Variants in IDUA observed in about 807,000 individuals in gnomAD.
The protein encoded by IDUA is alpha-L-iduronidase, also known as iduronidase alpha-L-.
In IDUA, 65 loss-of-function variants were observed where a neutral mutation model predicts 68.9. The observed-to-expected ratio is 0.94, with a 90% confidence interval of 0.77 to 1.16. IDUA has a LOEUF of 1.16. Among genes scored for constraint, IDUA ranks in the 50% most tolerant of loss-of-function variants. The pLI, the probability that IDUA is intolerant of heterozygous loss-of-function variation, is 0.00. For missense variants in IDUA, 1,046 were observed against 938.0 expected (o/e 1.12, Z -1.50); for synonymous variants, 529 against 433.6 (o/e 1.22, Z -2.73).
intron 2 of IDUA, chr4:988,980 CA>C: frequency 6.3e-7 from 1 of 1,595,162 alleles, no homozygotes; most frequent in Non-Finnish European, 8.5e-7. Context: ...GAATGTCTCT[CA>C]CAGGCGGGCT....
In IDUA at chr4:1,003,523, G is replaced by A. The variant is rs767606187; in HGVS notation, c.1651-26G>A. The A allele has an allele frequency of 3.1e-6, 5 of 1,607,918 alleles. No individual in the cohort carries two copies. The South Asian group carries it at 5.5e-5, about 18-fold the overall frequency. ...GCGGCCCGGACTCCCCTTCCCCGAC[G>A]CCATCACAGCCCTTCCCTCCCCCAG... On this transcript the variant is annotated intron_variant, in intron 11 of 13. Transcript: ENST00000514224.
intron 2 of IDUA, chr4:992,327 A>C (rs940299728): frequency 2.5e-6 from 1 of 398,126 alleles, no homozygotes; most frequent in South Asian, 1.8e-5. Flanking sequence ...ACCTCCACCC[A>C]CCCCTCTGTC....
At chr4:988,142 C>T (rs1415471684) in intron 2 of IDUA, 193 bp downstream of exon 2, 10 of 1,403,816 alleles carry the variant, frequency 7.1e-6, no homozygotes, top group African/African-American at 4.4e-5. Flanking sequence ...GCATGGGGCA[C>T]GGTGGGCTTC....
intron 3 of IDUA, 38 bp from the exon 4 acceptor site, chr4:1,000,837 GGTGTGGT>G (rs749358332): frequency 5.8e-6 from 9 of 1,542,496 alleles, no homozygotes; most frequent in Non-Finnish European, 8.1e-6. Flanking sequence ...GCAGAGCATG[GGTGTGGT>G]GTGTGGTGGG....
chr4:990,979 C>A, intron 2 of IDUA: 2 of 808,412 alleles, frequency 2.5e-6, no homozygotes, highest in Non-Finnish European at 3.7e-6. Context: ...GATGCCCCGG[C>A]ACGCCCCAGC....
intron 8 of IDUA, 43 bp from the exon 9 acceptor site, chr4:1,002,689 G>T: frequency 3.7e-6 from 5 of 1,364,486 alleles, no homozygotes; most frequent in Non-Finnish European, 4.9e-6. Context: ...GGGGGCGGCT[G>T]GGCAACGACC....
In IDUA at chr4:1,002,834, C is replaced by T; in HGVS notation, c.1292C>T (p.Ala431Val). The T allele has an allele frequency of 6.9e-7, 1 of 1,454,732 alleles. No individual in the cohort carries two copies. The highest frequency in any genetic ancestry group is 2.6e-5 in the Admixed American group (1 of 38,612). 90.1% of individuals were successfully genotyped at this position (1,454,732 alleles called of 1,614,324 possible). A position where few individuals can be genotyped will look rare whatever the true frequency, so the allele number is the denominator to read the frequency against. ...AGCGCCCACCGCCCCCAGGGCCCGGCCGACGCCTGGCGCGCCGCGGTGCTG... is the reference window on the plus strand; with the variant it reads ...AGCGCCCACCGCCCCCAGGGCCCGGTCGACGCCTGGCGCGCCGCGGTGCTG... ...LASAHRPQGP[A>V]DAWRAAVLIY... The change falls in exon 9 of 14, where the codon GCC becomes GTC. Residue 431 changes from alanine to valine, a missense_variant. Physicochemically the swap from Ala to Val is moderately conservative, Grantham distance 64. Transcript: ENST00000514224.
rs2153022233 is a variant in IDUA at position 1,002,101 on chromosome 4, G to C, written c.912G>C (p.Val304=). 1 of 1,574,536 alleles carries C rather than the reference G, an allele frequency of 6.4e-7. No homozygotes were observed. The highest frequency in any genetic ancestry group is 1.2e-5 in the South Asian group (1 of 86,030). ...PIYNDEADPL[V]GWSLPQPWRA... is the part of the protein sequence containing the mutation. ...ACAACGACGAGGCGGACCCGCTGGT[G>C]GGCTGGTCCCTGCCACAGCCGTGGA... Residue 304 remains valine (V), a synonymous_variant, in exon 7 of 14, where the codon GTG becomes GTC. Coordinates refer to ENST00000514224, the MANE Select transcript of IDUA (RefSeq NM_000203.5).
At chr4:993,631 C>T (rs768903825) in intron 2 of IDUA, among the ~76,000 whole-genome samples, 2 of 152,102 alleles carry the variant, frequency 1.3e-5, no homozygotes, top group African/African-American at 4.8e-5. Context: ...GCGGCCCTGC[C>T]GGGGGGGCTT....
intron 2 of IDUA, chr4:991,298 C>A (rs747608959): frequency 1.9e-6 from 3 of 1,612,674 alleles, no homozygotes; most frequent in South Asian, 1.1e-5. Flanking sequence ...CGGTCCACCA[C>A]CTGCCCCACC....
Position 1,004,296 on chromosome 4 carries a change from C to T in IDUA, c.1865C>T (p.Ala622Val), listed in dbSNP as rs375422485. ...GTCTCTGGCTCCTACCGAGTTCGAGCCCTGGACTACTGGGCCCGACCAGGC... is the reference window on the plus strand; with the variant it reads ...GTCTCTGGCTCCTACCGAGTTCGAGTCCTGGACTACTGGGCCCGACCAGGC... ...GAVSGSYRVR[A>V]LDYWARPGPF... Residue 622 changes from alanine to valine, a missense_variant, in exon 14 of 14, where the codon GCC (alanine) becomes GTC (valine). Transcript: ENST00000514224. The surrounding 1 kb of genome is among the most constrained non-coding windows in gnomAD (Gnocchi z 5.0). 3.1e-6 allele frequency: 5 copies of T among 1,611,058 alleles called. No individual in the cohort carries two copies. The highest frequency in any genetic ancestry group is 4.5e-5 in the East Asian group (2 of 44,862).
chr4:992,794 G>A (rs1714474505), intron 2 of IDUA: 1 of 153,172 alleles, frequency 6.5e-6, no homozygotes, highest in African/African-American at 2.4e-5. Context: ...CCCACGTGAG[G>A]CCTCGGGTCT....
chr4:1,002,501 T>C lies in IDUA; in HGVS notation c.1189+16T>C, dbSNP rs927292026. On this transcript the variant is annotated intron_variant, in intron 8 of 13. Transcript: ENST00000514224. ...GCGCTGCTGGGTGAGCCGGGGCCGC[T>C]GGGGTGGGCCGGCCAGGGCCCTCCA... 2 of 1,510,132 alleles carry C rather than the reference T, an allele frequency of 1.3e-6. No individual in the cohort carries two copies. The highest frequency in any genetic ancestry group is 1.8e-6 in the Non-Finnish European group (2 of 1,130,984). The allele number at this position is 1,510,132 out of a possible 1,614,324, so 93.5% of individuals were successfully genotyped here.
At position 1,003,362 on chromosome 4, in the gene IDUA, G is replaced by A. The variant is rs1335936501; in HGVS notation, c.1542G>A (p.Ala514=). The change falls in exon 11 of 14, where the codon GCG becomes GCA. Residue 514 remains alanine, a synonymous_variant. Coordinates refer to ENST00000514224, the MANE Select transcript of IDUA (RefSeq NM_000203.5). ...GCGCCCAGGACCCGGTGGCCGCGGC[G>A]CCCCGCCCCTTACCCGCCGGCGGCC... The part of the protein sequence containing the change: ...MRAAEDPVAA[A]PRPLPAGGRL... 6.8e-7 allele frequency: 1 copy of A among 1,469,468 alleles called. No homozygotes were observed. Among genetic ancestry groups the A allele is most frequent in the Non-Finnish European group, 8.9e-7 (1 of 1,120,176 alleles). 91.0% of individuals were successfully genotyped at this position (1,469,468 alleles called of 1,614,324 possible).
At chr4:987,508 G>A (rs954794453) in intron 1 of IDUA, 70 of 832,206 alleles carry the variant, frequency 8.4e-5, no homozygotes, top group Non-Finnish European at 1.1e-4. Context: ...GGGAGTGGAC[G>A]GCCCTGCAGC....
In IDUA at chr4:1,002,713, G is replaced by GT; in HGVS notation, c.1190-19_1190-18insT. 2.9e-6 allele frequency: 4 copies of GT among 1,364,378 alleles called. No homozygotes were observed. Among genetic ancestry groups the GT allele is most frequent in the South Asian group, 1.4e-5 (1 of 72,348 alleles). The allele number at this position is 1,364,378 out of a possible 1,614,324, so 84.5% of individuals were successfully genotyped here. A position where few individuals can be genotyped will look rare whatever the true frequency, so the allele number is the denominator to read the frequency against. ...TGGGCAACGACCCCACGCGGCGACG[G>GT]CCCCCCCCCGCCCCGCAGATGAGGA... On this transcript the variant is annotated intron_variant, in intron 8 of 13. Coordinates refer to ENST00000514224, the MANE Select transcript of IDUA (RefSeq NM_000203.5).
chr4:1,000,758 C>T (rs1577537729), intron 3 of IDUA, 61 bp downstream of exon 3: 1 of 1,480,388 alleles, frequency 6.8e-7, no homozygotes, highest in East Asian at 2.3e-5. Context: ...CCACCCTCTC[C>T]CTCACCCAGC....
At position 987,348 on chromosome 4, in the gene IDUA, G is replaced by A; in HGVS notation, c.158+106G>A. On this transcript the variant is annotated intron_variant, in intron 1 of 13. Transcript: ENST00000514224. ...TCAGAGACCGGAGCTCCCTCCTCTG[G>A]GGCCCTGGCTCTCCCGGGCCCGCCC... The A allele has an allele frequency of 4.4e-6, 5 of 1,127,118 alleles. No homozygotes were observed. The South Asian group carries it at 5.8e-5, about 13-fold the overall frequency. 69.8% of individuals were successfully genotyped at this position (1,127,118 alleles called of 1,614,324 possible).
At chr4:998,785 C>CT (rs1714894901) in intron 2 of IDUA, among the ~76,000 whole-genome samples, 1 of 151,090 alleles carries the variant, frequency 6.6e-6, no homozygotes, top group South Asian at 2.1e-4. Context: ...ACCCCCCGAC[C>CT]CCCCACCTCA....
Sources: allele counts gnomAD v4.1 joint callset (sites outside exome capture counted in the v4.1 genomes callset), GRCh38; gene constraint gnomAD v4.1.1; non-coding constraint Gnocchi (gnomAD v3.1); transcripts MANE v1.5; gene names NCBI Gene and HGNC (gene_info 2026-07-23, HGNC 2026-07-21).